Variants in EBF2 observed in about 807,000 individuals in gnomAD.
EBF2 encodes EBF transcription factor 2.
EBF2 carries 21 observed loss-of-function variants against 72.8 expected under a neutral mutation model. The observed-to-expected ratio is 0.29, with a 90% CI of 0.20 to 0.42. The LOEUF (loss-of-function observed/expected upper bound fraction) is 0.42, where lower values mean the gene tolerates loss of function less well. Among genes scored for constraint, EBF2 ranks in the 10% least tolerant of loss-of-function variants. The pLI is 1.00. For missense variants in EBF2, 637 were observed against 731.2 expected (o/e 0.87, Z 1.49); for synonymous variants, 299 against 274.2 (o/e 1.09, Z -0.89).
chr8:25,850,536 TCTTA>T, intron 15 of EBF2, 54 bp downstream of exon 15: 1 of 1,466,656 alleles, frequency 6.8e-7, no homozygotes, highest in South Asian at 1.5e-5. Flanking sequence ...TGCTGTTTGC[TCTTA>T]CTTTGCCAAC....
intron 7 of EBF2, among the ~76,000 whole-genome samples, chr8:25,896,192 T>C (rs546690324): frequency 1.1e-4 from 17 of 152,358 alleles, no homozygotes; most frequent in Non-Finnish European, 2.2e-4. Context: ...TTCCAATGTC[T>C]GCAGTCACTA....
Position 25,969,500 on chromosome 8 carries a change from A to T in EBF2, c.552-60945T>A, listed in dbSNP as rs191387888. Among the ~76,000 whole-genome samples the T allele has an allele frequency of 2.0e-5, 3 of 152,328 alleles. No individual in the cohort carries two copies. In the East Asian group the frequency reaches 5.8e-4, roughly 29 times the overall value. On this transcript the variant is annotated intron_variant, in intron 6 of 15. Coordinates refer to ENST00000520164, the MANE Select transcript of EBF2 (RefSeq NM_022659.4). Reference sequence around the variant, plus strand: ...TCTGGACTCCCTCCTGGGAGACAGGAAGTGCAGTACCCACATCCATGGAGC... The same window carrying T: ...TCTGGACTCCCTCCTGGGAGACAGGTAGTGCAGTACCCACATCCATGGAGC...
chr8:26,021,822 C>T (rs1253003108), intron 6 of EBF2, among the ~76,000 whole-genome samples: 1 of 152,126 alleles, frequency 6.6e-6, no homozygotes, highest in African/African-American at 2.4e-5. Context: ...GAATGAATGA[C>T]AGAGGAGTAA....
At position 25,941,471 on chromosome 8, in the gene EBF2, G is replaced by A. The variant is rs1240124148; in HGVS notation, c.552-32916C>T. Among the ~76,000 whole-genome samples the A allele has an allele frequency of 2.6e-5, 4 of 152,102 alleles. 1 individual carries two copies. Among genetic ancestry groups the A allele is most frequent in the South Asian group, 4.2e-4 (2 of 4,816 alleles). ...TCTGCCCACCTCGGCCTCCCAAAGCGCTGCGATTACAGGCGTGAGCCACTA... is the reference window on the plus strand; with the variant it reads ...TCTGCCCACCTCGGCCTCCCAAAGCACTGCGATTACAGGCGTGAGCCACTA... On this transcript the variant is annotated intron_variant, in intron 6 of 15. Coordinates refer to ENST00000520164, the MANE Select transcript of EBF2 (RefSeq NM_022659.4).
Position 26,044,825 on chromosome 8 carries a change from G to A in EBF2, c.35C>T (p.Pro12Leu). The change falls in exon 1 of 16, where the codon CCA becomes CTA. Residue 12 changes from proline to leucine, a missense_variant. Coordinates refer to ENST00000520164, the MANE Select transcript of EBF2 (RefSeq NM_022659.4). This position sits in a 1 kb window ranked among gnomAD's most constrained non-coding sequence, Gnocchi z 4.1. ...GCCCAGCGATTTCTCTTTCAGAGTT[G>A]GTCCTCTTCCTAAAGTATCTTGAAT... ...FGIQDTLGRG[P>L]TLKEKSLGAE... 6.2e-7 allele frequency: 1 copy of A among 1,614,078 alleles called. No individual in the cohort carries two copies. Among genetic ancestry groups the A allele is most frequent in the Non-Finnish European group, 8.5e-7 (1 of 1,180,032 alleles).
rs1050621956 is a variant in EBF2 at position 26,044,289 on chromosome 8, G to A, written c.131+440C>T. Reference sequence around the variant, plus strand: ...CTCCAGGAATCGCCCAGCAAGATGCGGGAGGTAGGCGCTCGCAGGCGGCGT... The same window carrying A: ...CTCCAGGAATCGCCCAGCAAGATGCAGGAGGTAGGCGCTCGCAGGCGGCGT... On this transcript the variant is annotated intron_variant, in intron 1 of 15. Transcript: ENST00000520164. The surrounding 1 kb of genome is among the most constrained non-coding windows in gnomAD (Gnocchi z 4.1). 3.3e-5 allele frequency among the ~76,000 whole-genome samples: 5 copies of A among 152,236 alleles called. No homozygotes were observed. Among genetic ancestry groups the A allele is most frequent in the Admixed American group, 1.3e-4 (2 of 15,296 alleles).
intron 6 of EBF2, among the ~76,000 whole-genome samples, chr8:26,010,163 G>C (rs1804953192): frequency 6.6e-6 from 1 of 152,180 alleles, no homozygotes; most frequent in South Asian, 2.1e-4. Flanking sequence ...AAGGGAAGGG[G>C]AAACCCAATA....
At chr8:25,912,921 C>T (rs754146356) in intron 6 of EBF2, among the ~76,000 whole-genome samples, 2 of 152,106 alleles carry the variant, frequency 1.3e-5, no homozygotes, top group African/African-American at 2.4e-5. Flanking sequence ...CCATCTCAAA[C>T]GAGATGCACA....
At chr8:26,025,301 G>C (rs1465223294) in intron 6 of EBF2, among the ~76,000 whole-genome samples, 1 of 152,110 alleles carries the variant, frequency 6.6e-6, no homozygotes, top group East Asian at 1.9e-4. Context: ...CGTATTTTTT[G>C]TGTGCTTATT....
intron 6 of EBF2, among the ~76,000 whole-genome samples, chr8:26,001,122 T>G (rs1804716448): frequency 6.6e-6 from 1 of 152,144 alleles, no homozygotes; most frequent in Non-Finnish European, 1.5e-5. Flanking sequence ...GAGCACCAAG[T>G]GCATGCTAAG....
chr8:25,846,001 C>T lies in EBF2; in HGVS notation c.1697-1361G>A, dbSNP rs73223983. Reference sequence around the variant, plus strand: ...TTTTTTCCACATCAGCTAGTCCTCTCGGGTAAAATTGTCAGCTGTCTATTT... The same window carrying T: ...TTTTTTCCACATCAGCTAGTCCTCTTGGGTAAAATTGTCAGCTGTCTATTT... On this transcript the variant is annotated intron_variant, in intron 15 of 15. Coordinates refer to ENST00000520164, the MANE Select transcript of EBF2 (RefSeq NM_022659.4). Among the ~76,000 whole-genome samples the T allele has an allele frequency of 4.1e-3, 631 of 152,258 alleles. 3 individuals carry two copies. The highest frequency in any genetic ancestry group is 7.6e-3 in the Non-Finnish European group (518 of 68,016).
intron 6 of EBF2, among the ~76,000 whole-genome samples, chr8:25,934,492 T>C (rs955535103): frequency 4.6e-5 from 7 of 152,114 alleles, no homozygotes; most frequent in African/African-American, 1.7e-4. Context: ...CACCAGTCAT[T>C]TGGAAGGGAA....
At chr8:25,946,573 A>AGGTG (rs1192145860) in intron 6 of EBF2, among the ~76,000 whole-genome samples, 2 of 152,180 alleles carry the variant, frequency 1.3e-5, no homozygotes, top group African/African-American at 4.8e-5. Context: ...CCTTATCTCC[A>AGGTG]TTACCCAAAC....
At chr8:25,945,722 A>G (rs1241105240) in intron 6 of EBF2, among the ~76,000 whole-genome samples, 1 of 151,992 alleles carries the variant, frequency 6.6e-6, no homozygotes, top group Non-Finnish European at 1.5e-5. Flanking sequence ...AATTATGAAA[A>G]GAAAATGCAG....
chr8:26,044,936 G>C lies in EBF2; in HGVS notation c.-77C>G, dbSNP rs1805678112. The C allele has an allele frequency of 2.2e-5, 33 of 1,498,882 alleles. No homozygotes were observed. Among genetic ancestry groups the C allele is most frequent in the Non-Finnish European group, 3.0e-5 (33 of 1,104,896 alleles). The allele number at this position is 1,498,882 out of a possible 1,614,324, so 92.8% of individuals were successfully genotyped here. A position where few individuals can be genotyped will look rare whatever the true frequency, so the allele number is the denominator to read the frequency against. The stretch of plus-strand genomic sequence containing the variant: ...GTCCTGACTGTTCCCAACGTTGCCA[G>C]CAAATCGTCTCCTCCAAAGCAATCC... On this transcript the variant is annotated 5_prime_UTR_variant, in exon 1 of 16. Transcript: ENST00000520164. The surrounding 1 kb of genome is among the most constrained non-coding windows in gnomAD (Gnocchi z 4.1).
intron 6 of EBF2, among the ~76,000 whole-genome samples, chr8:26,030,516 G>A (rs1391274384): frequency 6.6e-6 from 1 of 151,792 alleles, no homozygotes; most frequent in Non-Finnish European, 1.5e-5. Flanking sequence ...CATGGCACAT[G>A]TATACATATG....
At chr8:25,943,246 T>C (rs1336143266) in intron 6 of EBF2, among the ~76,000 whole-genome samples, 2 of 146,166 alleles carry the variant, frequency 1.4e-5, no homozygotes, top group Non-Finnish European at 3.0e-5. Context: ...GTGGAAGGAT[T>C]GCTTGAGGCC....
intron 14 of EBF2, chr8:25,858,016 A>C: frequency 1.9e-6 from 1 of 521,120 alleles, no homozygotes; most frequent in South Asian, 1.6e-5. Flanking sequence ...GAGCACACAT[A>C]TTGTTAACAG....
chr8:25,922,903 G>A (rs1227291026), intron 6 of EBF2, among the ~76,000 whole-genome samples: 1 of 151,698 alleles, frequency 6.6e-6, no homozygotes, highest in Non-Finnish European at 1.5e-5. Context: ...GTTTAGAGTT[G>A]GGTTTGTGGT....
Sources: allele counts gnomAD v4.1 joint callset (sites outside exome capture counted in the v4.1 genomes callset), GRCh38; gene constraint gnomAD v4.1.1; non-coding constraint Gnocchi (gnomAD v3.1); transcripts MANE v1.5; gene names NCBI Gene and HGNC (gene_info 2026-07-23, HGNC 2026-07-21).